Variants in SPRY3 observed in about 807,000 individuals in gnomAD.
SPRY3 encodes protein sprouty homolog 3.
SPRY3 carries 15 observed loss-of-function variants against 20.2 expected under a neutral mutation model. That is an observed-to-expected ratio of 0.74 (90% CI 0.50 to 1.14). The LOEUF (loss-of-function observed/expected upper bound fraction) is 1.14. SPRY3 is among the 50% of genes most tolerant of loss of function. The probability of loss-of-function intolerance (pLI) is 0.00; values close to 1 mark genes in which losing one functional copy is unlikely to be tolerated. For synonymous variants in SPRY3, 143 were observed against 136.5 expected, an observed-to-expected ratio of 1.05 and a Z score of -0.33; for missense variants, 364 against 363.9, an observed-to-expected ratio of 1.00 and a Z score of 0.00.
chrX:155,633,120 A>C (rs1473637783), intron 1 of SPRY3, among the ~76,000 whole-genome samples: 1 of 111,379 alleles, frequency 9.0e-6, no homozygotes, highest in Non-Finnish European at 1.9e-5. Context: ...GGAATGAAAT[A>C]GATGGGTAGA....
exon 4 of SPRY3, chrX:155,774,576 G>GTGC: frequency 6.2e-7 from 1 of 1,613,972 alleles, no homozygotes; most frequent in Admixed American, 1.7e-5. Flanking sequence ...TACCCTGCCT[G>GTGC]TGCTGCTACC....
At chrX:155,666,799 G>A (rs1557354367) in intron 2 of SPRY3, among the ~76,000 whole-genome samples, 1 of 110,963 alleles carries the variant, frequency 9.0e-6, no homozygotes, top group Non-Finnish European at 1.9e-5. Flanking sequence ...AGCCTTGGGA[G>A]TGGGTGAAAT....
intron 2 of SPRY3, among the ~76,000 whole-genome samples, chrX:155,698,293 A>G (rs1212365496): frequency 8.9e-6 from 1 of 112,007 alleles, no homozygotes; most frequent in African/African-American, 3.2e-5. Flanking sequence ...GGAGGATGAT[A>G]AAGTGAATAT....
intron 2 of SPRY3, among the ~76,000 whole-genome samples, chrX:155,707,658 T>C (rs1251607688): frequency 6.6e-6 from 1 of 151,274 alleles, no homozygotes; most frequent in Non-Finnish European, 1.5e-5. Flanking sequence ...TACATATTTA[T>C]GATTATGAAC....
At chrX:155,614,951 CTTG>C (rs2067846328) in intron 1 of SPRY3, among the ~76,000 whole-genome samples, 1 of 111,825 alleles carries the variant, frequency 8.9e-6, no homozygotes, top group South Asian at 3.7e-4. Flanking sequence ...ACACACCAAA[CTTG>C]TTCTTGTTCT....
At chrX:155,774,119 G>T (rs1023909456) in exon 4 of SPRY3, 1 of 1,613,858 alleles carries the variant, frequency 6.2e-7, no homozygotes, top group African/African-American at 1.3e-5. Context: ...AGCCAATCTA[G>T]CATTGCCAGC....
At chrX:155,639,751 A>G (rs999844170) in intron 1 of SPRY3, among the ~76,000 whole-genome samples, 19 of 112,136 alleles carry the variant, frequency 1.7e-4, no homozygotes, top group Non-Finnish European at 2.8e-4. Flanking sequence ...GCTGGATCAC[A>G]TGATAGTTTT....
intron 2 of SPRY3, among the ~76,000 whole-genome samples, chrX:155,700,352 A>G (rs1195751819): frequency 3.7e-5 from 4 of 109,288 alleles, no homozygotes; most frequent in Non-Finnish European, 7.6e-5. Context: ...GGAATGTGAA[A>G]TGGTGCAGCT....
chrX:155,729,755 A>G (rs770175177), intron 2 of SPRY3, among the ~76,000 whole-genome samples: 14 of 151,990 alleles, frequency 9.2e-5, no homozygotes, highest in African/African-American at 3.1e-4. Flanking sequence ...GAAAATACCA[A>G]AAAAAGAAAA....
At chrX:155,773,772 C>T (rs1411942698) in exon 4 of SPRY3, 43 of 1,377,098 alleles carry the variant, frequency 3.1e-5, no homozygotes, top group Non-Finnish European at 4.0e-5. Context: ...CTAGGATTTT[C>T]TCATGTGCCC....
intron 2 of SPRY3, among the ~76,000 whole-genome samples, chrX:155,718,047 A>G (rs1466971306): frequency 2.0e-5 from 3 of 152,162 alleles, no homozygotes; most frequent in African/African-American, 7.2e-5. Flanking sequence ...CAAGCAAGAA[A>G]GCTGCAGACT....
intron 3 of SPRY3, among the ~76,000 whole-genome samples, chrX:155,769,830 C>T (rs370511714): frequency 5.3e-5 from 8 of 152,012 alleles, no homozygotes; most frequent in Admixed American, 2.0e-4. Context: ...AAGATGTATG[C>T]GGTAGGAGGG....
At chrX:155,756,661 G>A (rs2091284440) in intron 2 of SPRY3, among the ~76,000 whole-genome samples, 2 of 152,238 alleles carry the variant, frequency 1.3e-5, no homozygotes, top group South Asian at 2.1e-4. Flanking sequence ...CAGAATGCAT[G>A]TGGAGGAGGA....
At chrX:155,777,531 C>T (rs191618140), downstream of SPRY3, 194 of 146,074 alleles carry the variant, frequency 1.3e-3, no homozygotes, top group Non-Finnish European at 2.5e-3. Flanking sequence ...CACTTGTGTC[C>T]AAGTTGGCCT....
intron 1 of SPRY3, among the ~76,000 whole-genome samples, chrX:155,626,827 C>G (rs1027612712): frequency 1.8e-5 from 2 of 111,493 alleles, no homozygotes; most frequent in Admixed American, 9.6e-5. Context: ...AGTGTTCCCT[C>G]AGTTCAATTA....
chrX:155,757,476 G>A (rs141168160), intron 2 of SPRY3, among the ~76,000 whole-genome samples: 129 of 152,250 alleles, frequency 8.5e-4, no homozygotes, highest in African/African-American at 2.8e-3. Flanking sequence ...GGAAGATAAC[G>A]AGTACAGCTG....
chrX:155,748,705 TG>T (rs1379433729), intron 2 of SPRY3, among the ~76,000 whole-genome samples: 3 of 151,842 alleles, frequency 2.0e-5, no homozygotes, highest in African/African-American at 7.2e-5. Flanking sequence ...AATGTCTGAC[TG>T]CTACATGGAA....
At chrX:155,764,599 G>A (rs1423681566) in intron 2 of SPRY3, among the ~76,000 whole-genome samples, 1 of 152,026 alleles carries the variant, frequency 6.6e-6, no homozygotes, top group Non-Finnish European at 1.5e-5. Context: ...TGGCAGTGAA[G>A]ACAAATATAA....
chrX:155,697,542 T>C (rs1221946836), intron 2 of SPRY3, among the ~76,000 whole-genome samples: 2 of 108,063 alleles, frequency 1.9e-5, no homozygotes, highest in Non-Finnish European at 3.8e-5. Context: ...TATATACACA[T>C]ATATATCTGA....
Sources: allele counts gnomAD v4.1 joint callset (sites outside exome capture counted in the v4.1 genomes callset), GRCh38; gene constraint gnomAD v4.1.1; transcripts MANE v1.5; gene names NCBI Gene and HGNC (gene_info 2026-07-23, HGNC 2026-07-21).